The following MYO16 variants were observed in gnomAD, a reference collection of about 807,000 sequenced individuals.
MYO16 encodes myosin XVI.
In MYO16, 94 loss-of-function variants were observed where a neutral mutation model predicts 205.3. The observed-to-expected ratio is 0.46, with a 90% confidence interval of 0.39 to 0.54. The LOEUF (loss-of-function observed/expected upper bound fraction) is 0.54, where lower values mean the gene tolerates loss of function less well. MYO16 is among the 20% of genes least tolerant of loss of function. The pLI is 0.00. For missense variants in MYO16, 2,315 were observed against 2,387.5 expected (o/e 0.97, Z 0.63); for synonymous variants, 988 against 954.0 (o/e 1.04, Z -0.66).
At chr13:108,753,383 A>AAAAAACAAAAAC (rs1555344225) in intron 4 of MYO16, among the ~76,000 whole-genome samples, 145 of 147,824 alleles carry the variant, frequency 9.8e-4, no homozygotes, top group African/African-American at 3.7e-3. Context: ...AAAAAAAAAA[A>AAAAAACAAAAAC]AAAAAAAAAA....
At chr13:108,972,898 C>T (rs1322433429) in intron 20 of MYO16, among the ~76,000 whole-genome samples, 9 of 150,920 alleles carry the variant, frequency 6.0e-5, no homozygotes, top group Non-Finnish European at 8.8e-5. Flanking sequence ...AAATAAGATA[C>T]GGAATGACAC....
intron 9 of MYO16, among the ~76,000 whole-genome samples, chr13:108,827,921 G>C (rs1277489803): frequency 1.3e-5 from 2 of 152,116 alleles, no homozygotes; most frequent in African/African-American, 4.8e-5. Context: ...CTAGTTCATG[G>C]AGCCCGTGAG....
intron 2 of MYO16, among the ~76,000 whole-genome samples, chr13:108,710,268 T>C (rs1883668986): frequency 6.6e-6 from 1 of 152,202 alleles, no homozygotes; most frequent in Non-Finnish European, 1.5e-5. Flanking sequence ...AGATTGTATT[T>C]AAAGCAAAGG....
intron 22 of MYO16, among the ~76,000 whole-genome samples, chr13:109,018,863 A>G (rs1885923530): frequency 6.6e-6 from 1 of 151,706 alleles, no homozygotes; most frequent in African/African-American, 2.4e-5. Context: ...TGAACCAGCT[A>G]CCTCAGTTGG....
intron 19 of MYO16, among the ~76,000 whole-genome samples, chr13:108,962,793 G>C (rs1164480123): frequency 6.6e-6 from 1 of 152,198 alleles, no homozygotes; most frequent in Non-Finnish European, 1.5e-5. Flanking sequence ...TGCATGTGTG[G>C]TGCCATGCTG....
intron 13 of MYO16, among the ~76,000 whole-genome samples, chr13:108,887,444 A>T (rs1278829497): frequency 6.6e-6 from 1 of 152,204 alleles, no homozygotes; most frequent in Non-Finnish European, 1.5e-5. Context: ...GTTTTTATGA[A>T]TTTTTCATCT....
intron 2 of MYO16, among the ~76,000 whole-genome samples, chr13:108,699,566 G>A (rs972104978): frequency 6.6e-6 from 1 of 152,118 alleles, no homozygotes; most frequent in African/African-American, 2.4e-5. Flanking sequence ...TACATCAAGA[G>A]CTAAGGAAAT....
Position 109,100,783 on chromosome 13 carries a change from A to G in MYO16, c.3336-2A>G. ...GCTTTCTGTCTCTGCTGCTTTTCAC[A>G]GGTATAAGCCACTGGCTGATACATT... On this transcript the variant is annotated splice_acceptor_variant, in intron 27 of 34. Coordinates refer to ENST00000457511, the MANE Select transcript of MYO16 (RefSeq NM_001198950.3). LOFTEE classifies it high-confidence loss of function. 3 of 1,603,268 alleles carry G rather than the reference A, an allele frequency of 1.9e-6. No homozygotes were observed. Among genetic ancestry groups the G allele is most frequent in the Non-Finnish European group, 2.6e-6 (3 of 1,170,876 alleles).
chr13:108,992,269 G>T, intron 20 of MYO16, 107 bp from the exon 21 acceptor site: 1 of 619,622 alleles, frequency 1.6e-6, no homozygotes. Flanking sequence ...GTCCAAATTG[G>T]CAGCAATGTG....
chr13:108,510,451 A>T, the MYO16 span, among the ~76,000 whole-genome samples: 3 of 80,936 alleles, frequency 3.7e-5, no homozygotes, highest in African/African-American at 5.2e-5. Flanking sequence ...TATATTTAAC[A>T]TTGATAGCTG....
intron 1 of MYO16, among the ~76,000 whole-genome samples, chr13:108,599,091 G>A (rs1369271151): frequency 4.0e-5 from 6 of 149,056 alleles, no homozygotes; most frequent in African/African-American, 1.5e-4. Flanking sequence ...AACATGTGTT[G>A]TTTGGTTTTT....
intron 6 of MYO16, among the ~76,000 whole-genome samples, chr13:108,796,132 G>C (rs2138953494): frequency 6.6e-6 from 1 of 152,270 alleles, no homozygotes; most frequent in South Asian, 2.1e-4. Flanking sequence ...GCCTATATGA[G>C]GACCACGGCT....
intron 18 of MYO16, among the ~76,000 whole-genome samples, chr13:108,962,068 G>C (rs1883607319): frequency 6.6e-6 from 1 of 152,088 alleles, no homozygotes; most frequent in African/African-American, 2.4e-5. Flanking sequence ...GTCGCTCCCA[G>C]ATTTTTAAAA....
At chr13:108,762,580 T>C (rs1885645725) in intron 4 of MYO16, among the ~76,000 whole-genome samples, 1 of 152,186 alleles carries the variant, frequency 6.6e-6, no homozygotes, top group South Asian at 2.1e-4. Flanking sequence ...CTCTGATGAT[T>C]AGTGATGTTG....
At chr13:109,145,339 T>C (rs1206454337) in intron 32 of MYO16, among the ~76,000 whole-genome samples, 1 of 151,398 alleles carries the variant, frequency 6.6e-6, no homozygotes, top group African/African-American at 2.4e-5. Flanking sequence ...ACCTATGCAA[T>C]GCTGCTCAGA....
intron 33 of MYO16, among the ~76,000 whole-genome samples, chr13:109,176,406 C>T (rs555574559): frequency 1.3e-5 from 2 of 151,564 alleles, no homozygotes; most frequent in East Asian, 1.9e-4. Flanking sequence ...TTAAAATACA[C>T]ATTTTATTTT....
chr13:108,831,225 C>A (rs1388752683), intron 9 of MYO16, among the ~76,000 whole-genome samples: 1 of 152,102 alleles, frequency 6.6e-6, no homozygotes, highest in Non-Finnish European at 1.5e-5. Context: ...ACTGTCCTGG[C>A]CACTAAAACA....
At chr13:108,756,885 G>A (rs1462402632) in intron 4 of MYO16, among the ~76,000 whole-genome samples, 1 of 152,108 alleles carries the variant, frequency 6.6e-6, no homozygotes, top group African/African-American at 2.4e-5. Flanking sequence ...ATAATTTTAT[G>A]GAGTTTATAT....
chr13:109,016,639 G>A (rs1296150054), intron 22 of MYO16, among the ~76,000 whole-genome samples: 1 of 152,078 alleles, frequency 6.6e-6, no homozygotes, highest in Admixed American at 6.6e-5. Context: ...GAATCTAGGT[G>A]CTCTTGTAGT....
Sources: gnomAD v4.1 joint callset for allele counts (sites outside exome capture counted in the v4.1 genomes callset) on GRCh38, gnomAD v4.1.1 for gene constraint, MANE v1.5 for transcripts, NCBI Gene and HGNC (gene_info 2026-07-23, HGNC 2026-07-21) for gene names.